DUSP15: variants seen among roughly 807,000 people sequenced by gnomAD.
DUSP15 encodes the protein dual specificity phosphatase 15.
DUSP15 carries 23 observed loss-of-function variants against 26.3 expected under a neutral mutation model. The observed-to-expected ratio is 0.87, with a 90% CI of 0.63 to 1.24. The LOEUF (loss-of-function observed/expected upper bound fraction) is 1.24. Among genes scored for constraint, DUSP15 ranks in the 50% most tolerant of loss-of-function variants. The pLI is 0.00. For missense variants in DUSP15, 364 were observed against 320.6 expected (o/e 1.14, Z -1.03); for synonymous variants, 143 against 135.5 (o/e 1.06, Z -0.39).
At chr20:31,862,853 A>C in intron 5 of DUSP15, 111 bp from the exon 6 acceptor site, 6 of 1,140,322 alleles carry the variant, frequency 5.3e-6, no homozygotes, top group Non-Finnish European at 7.2e-6. Context: ...AGCTCCAACC[A>C]TAAGGGACCT....
At chr20:31,861,738 G>GGGGCGGGC in intron 6 of DUSP15, 63 bp from the exon 7 acceptor site, 1 of 1,290,718 alleles carries the variant, frequency 7.7e-7, no homozygotes, top group East Asian at 3.2e-5. Context: ...AAGGCAGCCG[G>GGGGCGGGC]CCCCGCCCCC....
exon 8 of DUSP15, chr20:31,849,791 C>G: frequency 6.5e-7 from 1 of 1,541,478 alleles, no homozygotes; most frequent in South Asian, 1.2e-5. Context: ...CGCCCGCGGA[C>G]TCAGACGACA....
chr20:31,847,831 A>G (rs1460936855), exon 10 of DUSP15: 1 of 152,196 alleles, frequency 6.6e-6, no homozygotes, highest in African/African-American at 2.4e-5. Flanking sequence ...CTTCAAAGAC[A>G]GCATCCTACA....
chr20:31,849,519 ACTC>A (rs1482699153), intron 8 of DUSP15: 2 of 806,210 alleles, frequency 2.5e-6, no homozygotes, highest in South Asian at 2.7e-5. Flanking sequence ...ACTCTGTTCC[ACTC>A]CTCCAGCCGT....
At chr20:31,869,237 G>T (rs2062851350) in intron 2 of DUSP15, among the ~76,000 whole-genome samples, 1 of 152,204 alleles carries the variant, frequency 6.6e-6, no homozygotes, top group Non-Finnish European at 1.5e-5. Context: ...CTTAGCGCAG[G>T]TGTAGACTTG....
chr20:31,846,111 CACACAG>C (rs1240179504), downstream of DUSP15, among the ~76,000 whole-genome samples: 1 of 79,224 alleles, frequency 1.3e-5, no homozygotes, highest in African/African-American at 9.1e-5. Flanking sequence ...CACGTACAGA[CACACAG>C]AGACACACAG....
intron 6 of DUSP15, among the ~76,000 whole-genome samples, chr20:31,855,659 G>A (rs972500588): frequency 6.6e-6 from 1 of 152,146 alleles, no homozygotes; most frequent in South Asian, 2.1e-4. Flanking sequence ...TGTTGTTCAC[G>A]TATATGCATA....
At chr20:31,846,473 A>G (rs981693689), downstream of DUSP15, among the ~76,000 whole-genome samples, 12 of 79,648 alleles carry the variant, frequency 1.5e-4, no homozygotes, top group African/African-American at 1.0e-3. Context: ...AGAGAGAGAG[A>G]GAGGAGAGAG....
chr20:31,862,320 T>C (rs536605854), intron 6 of DUSP15, among the ~76,000 whole-genome samples: 4 of 152,254 alleles, frequency 2.6e-5, no homozygotes, highest in Admixed American at 2.6e-4. Context: ...TGGGGAGGGC[T>C]GGAAGACCTG....
chr20:31,864,230 A>G, intron 4 of DUSP15: 1 of 1,249,794 alleles, frequency 8.0e-7, no homozygotes, highest in Non-Finnish European at 1.0e-6. Flanking sequence ...AGGCAGGAGC[A>G]CTCCTCCTGT....
chr20:31,864,934 T>G lies in DUSP15; in HGVS notation c.188+19A>C. ...AGGCAGCTGTCTGTCCATCTATGGGTCCATCCAGGGGAACTTACATGGGTA... is the reference window on the plus strand; with the variant it reads ...AGGCAGCTGTCTGTCCATCTATGGGGCCATCCAGGGGAACTTACATGGGTA... On this transcript the variant is annotated intron_variant, in intron 4 of 6. Coordinates refer to ENST00000339738, the MANE Select transcript of DUSP15 (RefSeq NM_080611.5). The G allele has an allele frequency of 1.9e-6, 3 of 1,612,838 alleles. No individual in the cohort carries two copies. Among genetic ancestry groups the G allele is most frequent in the Non-Finnish European group, 2.5e-6 (3 of 1,179,228 alleles).
chr20:31,870,645 C>A, upstream of DUSP15: 1 of 1,291,364 alleles, frequency 7.7e-7, no homozygotes. This position sits in a 1 kb window ranked among gnomAD's most constrained non-coding sequence, Gnocchi z 6.6. Context: ...GTGTGCCGGG[C>A]CCACGGCCCG....
chr20:31,857,561 G>A (rs1406570211), downstream of DUSP15, among the ~76,000 whole-genome samples: 1 of 151,918 alleles, frequency 6.6e-6, no homozygotes, highest in Non-Finnish European at 1.5e-5. Context: ...GCCCCTCCTG[G>A]GCCTCATCTG....
chr20:31,852,733 C>T (rs557776486), intron 6 of DUSP15, among the ~76,000 whole-genome samples: 74 of 152,316 alleles, frequency 4.9e-4, no homozygotes, highest in Non-Finnish European at 7.8e-4. Context: ...ATCGCTTGAA[C>T]CTGGGTGGCG....
exon 8 of DUSP15, chr20:31,849,779 G>A (rs1202569899): frequency 1.9e-5 from 29 of 1,539,124 alleles, no homozygotes; most frequent in Non-Finnish European, 2.4e-5. Flanking sequence ...GCGCTCGGCG[G>A]CCGCCCGCGG....
chr20:31,855,946 AT>A (rs559542957), intron 6 of DUSP15, among the ~76,000 whole-genome samples: 89 of 152,176 alleles, frequency 5.8e-4, no homozygotes, highest in African/African-American at 2.1e-3. Flanking sequence ...TTAAAAAAAA[AT>A]TTTTATTTCC....
chr20:31,867,059 G>A lies in DUSP15; in HGVS notation c.138+12C>T. ...CACCCCCGCATAGCCCTGGGATGGG[G>A]GTAAGAAGTACCTGCAGCAGAGGCT... On this transcript the variant is annotated intron_variant, in intron 3 of 6. Coordinates refer to ENST00000339738, the MANE Select transcript of DUSP15 (RefSeq NM_080611.5). The A allele has an allele frequency of 3.8e-6, 6 of 1,571,948 alleles. No individual in the cohort carries two copies. The highest frequency in any genetic ancestry group is 5.2e-6 in the Non-Finnish European group (6 of 1,157,406).
At chr20:31,846,277 CAG>C (rs1442842125), downstream of DUSP15, among the ~76,000 whole-genome samples, 4 of 118,904 alleles carry the variant, frequency 3.4e-5, no homozygotes, top group East Asian at 2.0e-4. Flanking sequence ...CACAGAAACA[CAG>C]AGACACAGAC....
At position 31,861,196 on chromosome 20, in the gene DUSP15, G is replaced by T; in HGVS notation, c.*207C>A. Reference sequence around the variant, plus strand: ...CAGCCCAAGGACTAAGGCACCAGGTGGCTGCAGCAGGCCGGCCCGGACACA... The same window carrying T: ...CAGCCCAAGGACTAAGGCACCAGGTTGCTGCAGCAGGCCGGCCCGGACACA... On this transcript the variant is annotated 3_prime_UTR_variant, in exon 7 of 7. Coordinates refer to ENST00000339738, the MANE Select transcript of DUSP15 (RefSeq NM_080611.5). The T allele has an allele frequency of 7.4e-7, 1 of 1,349,204 alleles. No homozygotes were observed. Among genetic ancestry groups the T allele is most frequent in the Non-Finnish European group, 9.5e-7 (1 of 1,057,094 alleles). The allele number at this position is 1,349,204 out of a possible 1,614,324, so 83.6% of individuals were successfully genotyped here.
Sources: gnomAD v4.1 joint callset for allele counts (sites outside exome capture counted in the v4.1 genomes callset) on GRCh38, gnomAD v4.1.1 for gene constraint, Gnocchi (gnomAD v3.1) non-coding constraint, MANE v1.5 for transcripts, NCBI Gene and HGNC (gene_info 2026-07-23, HGNC 2026-07-21) for gene names.